The following AHCY variants were observed in gnomAD, a reference collection of about 807,000 sequenced individuals.
The protein encoded by AHCY is S-adenosyl-L-homocysteine hydrolase.
AHCY carries 24 observed loss-of-function variants against 45.4 expected under a neutral mutation model. That is an observed-to-expected ratio of 0.53 (90% confidence interval 0.38 to 0.74). The LOEUF (loss-of-function observed/expected upper bound fraction) is 0.74, where lower values mean the gene tolerates loss of function less well. Among genes scored for constraint, AHCY ranks in the 30% least tolerant of loss-of-function variants. The probability of loss-of-function intolerance (pLI) is 0.00; values close to 1 mark genes in which losing one functional copy is unlikely to be tolerated. For missense variants in AHCY, 449 were observed against 594.1 expected, an observed-to-expected ratio of 0.76 and a Z score of 2.54; for synonymous variants, 245 against 235.1, an observed-to-expected ratio of 1.04 and a Z score of -0.39.
intron 8 of AHCY, among the ~76,000 whole-genome samples, chr20:34,287,051 C>T (rs1027552223): frequency 2.0e-5 from 3 of 152,116 alleles, no homozygotes; most frequent in Admixed American, 6.6e-5. Flanking sequence ...ACTCCCAGCT[C>T]TTCCCTTGCC....
At chr20:34,306,021 G>A (rs900312751), upstream of AHCY, among the ~76,000 whole-genome samples, 4 of 144,648 alleles carry the variant, frequency 2.8e-5, no homozygotes, top group African/African-American at 7.7e-5. Context: ...GGCGGATGTT[G>A]CATTGAGCCA....
chr20:34,269,477 G>T, the AHCY span: 1 of 392,168 alleles, frequency 2.5e-6, no homozygotes, highest in African/African-American at 2.1e-5. Flanking sequence ...AGTCACCGCT[G>T]CTGCCGACCT....
At chr20:34,263,644 C>G in the AHCY span, among the ~76,000 whole-genome samples, 6 of 151,530 alleles carry the variant, frequency 4.0e-5, no homozygotes, top group African/African-American at 1.5e-4. Flanking sequence ...TCCACTTATA[C>G]ATTGGTTATT....
the AHCY span, among the ~76,000 whole-genome samples, chr20:34,246,703 C>T: frequency 2.6e-5 from 4 of 152,202 alleles, no homozygotes; most frequent in African/African-American, 9.7e-5. Context: ...AGTGATCTGC[C>T]CACCTCAGCC....
chr20:34,243,446 T>C, the AHCY span, among the ~76,000 whole-genome samples: 1 of 151,906 alleles, frequency 6.6e-6, no homozygotes, highest in Non-Finnish European at 1.5e-5. Context: ...TTTAGTGTTG[T>C]TAAGAAAAAA....
At chr20:34,308,845 G>A (rs1376243551) in intron 1 of AHCY, among the ~76,000 whole-genome samples, 1 of 151,796 alleles carries the variant, frequency 6.6e-6, no homozygotes, top group Non-Finnish European at 1.5e-5. Flanking sequence ...GTAGAGACGG[G>A]GTTTCACCAT....
the AHCY span, among the ~76,000 whole-genome samples, chr20:34,258,887 TTATA>T: frequency 7.7e-6 from 1 of 130,604 alleles, no homozygotes; most frequent in African/African-American, 2.8e-5. Flanking sequence ...ATATATAGTA[TTATA>T]TATATAGTGT....
At chr20:34,285,362 T>TAA in intron 9 of AHCY, 78 bp downstream of exon 9, 1 of 1,549,284 alleles carries the variant, frequency 6.5e-7, no homozygotes, top group South Asian at 1.1e-5. Flanking sequence ...AAGCACTTTA[T>TAA]AAACTCTGGC....
the AHCY span, chr20:34,269,212 G>C: frequency 6.9e-7 from 1 of 1,443,242 alleles, no homozygotes; most frequent in Non-Finnish European, 9.1e-7. Flanking sequence ...TCGGGGACGC[G>C]GGGCGCTTCT....
chr20:34,292,301 GCAAACAGGC>G, intron 4 of AHCY, 48 bp downstream of exon 4: 1 of 1,587,950 alleles, frequency 6.3e-7, no homozygotes, highest in East Asian at 2.3e-5. Flanking sequence ...CATCATGTGG[GCAAACAGGC>G]CCCACCCAGG....
In AHCY at chr20:34,280,821, T is replaced by A; in HGVS notation, c.*213A>T. 1.5e-6 allele frequency: 1 copy of A among 666,686 alleles called. No individual in the cohort carries two copies. Among genetic ancestry groups the A allele is most frequent in the Admixed American group, 2.7e-5 (1 of 37,494 alleles). The allele number at this position is 666,686 out of a possible 1,614,324, so 41.3% of individuals were successfully genotyped here. On this transcript the variant is annotated 3_prime_UTR_variant, in exon 10 of 10. Transcript: ENST00000217426. ...TTCCCTGTGGCTGGGACCTCCATCA[T>A]GACCGGGGCTTGAAGAGGGTACTCT...
downstream of AHCY, among the ~76,000 whole-genome samples, chr20:34,276,980 C>T (rs1388516001): frequency 2.0e-5 from 3 of 152,248 alleles, no homozygotes; most frequent in South Asian, 2.1e-4. Context: ...ACTCCCAAAG[C>T]AGGGCTGTCC....
At chr20:34,294,970 G>A (rs1168622883) in intron 2 of AHCY, among the ~76,000 whole-genome samples, 1 of 152,192 alleles carries the variant, frequency 6.6e-6, no homozygotes, top group East Asian at 1.9e-4. Context: ...GACTCTCTGA[G>A]ACCTTAGGAG....
the AHCY span, among the ~76,000 whole-genome samples, chr20:34,236,376 C>T: frequency 6.6e-6 from 1 of 151,932 alleles, no homozygotes. Context: ...CCTGTCTCTA[C>T]TAAAAATACA....
chr20:34,298,219 G>C (rs2036635206), intron 1 of AHCY, among the ~76,000 whole-genome samples: 1 of 152,214 alleles, frequency 6.6e-6, no homozygotes, highest in Non-Finnish European at 1.5e-5. Context: ...GAGGACACGA[G>C]CTGTTCCAGT....
chr20:34,241,435 C>T, the AHCY span: 142 of 985,036 alleles, frequency 1.4e-4, no homozygotes, highest in Non-Finnish European at 1.7e-4. Flanking sequence ...CAAATCTCTA[C>T]AGCTGCAAGG....
chr20:34,304,679 C>G (rs2036873511), upstream of AHCY, among the ~76,000 whole-genome samples: 1 of 151,962 alleles, frequency 6.6e-6, no homozygotes, highest in African/African-American at 2.4e-5. Context: ...ACCACCACAC[C>G]TGGCTAATTT....
intron 8 of AHCY, among the ~76,000 whole-genome samples, chr20:34,286,695 T>A (rs1385233514): frequency 6.6e-6 from 1 of 151,718 alleles, no homozygotes; most frequent in Non-Finnish European, 1.5e-5. Flanking sequence ...TAGCCAGGCA[T>A]GGTAGCACAT....
chr20:34,246,249 C>T, the AHCY span: 2 of 1,535,110 alleles, frequency 1.3e-6, no homozygotes, highest in South Asian at 1.2e-5. Flanking sequence ...CCTCTTCCAC[C>T]TCTCTTCTGT....
Sources: gnomAD v4.1 joint callset for allele counts (sites outside exome capture counted in the v4.1 genomes callset) on GRCh38, gnomAD v4.1.1 for gene constraint, MANE v1.5 for transcripts, NCBI Gene and HGNC (gene_info 2026-07-23, HGNC 2026-07-21) for gene names.